The following PCGF5 variants were observed in gnomAD, a reference collection of about 807,000 sequenced individuals.
PCGF5 encodes polycomb group RING finger protein 5.
Under a neutral mutation model 44.3 loss-of-function variants are expected in PCGF5, and 9 were observed. The ratio of observed to expected loss-of-function variants is 0.20; its 90% CI spans 0.12 to 0.35. PCGF5 has a LOEUF of 0.35. PCGF5 is among the 10% of genes least tolerant of loss of function. The pLI is 1.00. For missense variants in PCGF5, 146 were observed against 305.3 expected, an observed-to-expected ratio of 0.48 and a Z score of 3.89; for synonymous variants, 95 against 102.5, an observed-to-expected ratio of 0.93 and a Z score of 0.44.
At chr10:91,181,394 T>A (rs1843816641) in intron 1 of PCGF5, among the ~76,000 whole-genome samples, 1 of 151,808 alleles carries the variant, frequency 6.6e-6, no homozygotes, top group African/African-American at 2.4e-5. Flanking sequence ...AATACTATGT[T>A]GAATAGGAGT....
chr10:91,243,833 G>GT (rs1845390555), intron 3 of PCGF5, among the ~76,000 whole-genome samples: 1 of 152,038 alleles, frequency 6.6e-6, no homozygotes, highest in Non-Finnish European at 1.5e-5. Flanking sequence ...AAAGTATAAA[G>GT]TACTGGTGTT....
intron 1 of PCGF5, among the ~76,000 whole-genome samples, chr10:91,198,664 A>G (rs1301252743): frequency 6.6e-6 from 1 of 152,228 alleles, no homozygotes; most frequent in Non-Finnish European, 1.5e-5. Flanking sequence ...GGCCCTGATT[A>G]GTGGCAGCAC....
intron 1 of PCGF5, among the ~76,000 whole-genome samples, chr10:91,202,482 A>G (rs980745190): frequency 6.6e-6 from 1 of 152,218 alleles, no homozygotes; most frequent in Non-Finnish European, 1.5e-5. Context: ...TGTTGTGAGG[A>G]TTAAATAGGA....
At chr10:91,165,482 A>T (rs559552841) in intron 1 of PCGF5, among the ~76,000 whole-genome samples, 1 of 152,276 alleles carries the variant, frequency 6.6e-6, no homozygotes, top group South Asian at 2.1e-4. Context: ...GTTCATAATA[A>T]ATACCACTTA....
chr10:91,199,038 A>G (rs1397646842), intron 1 of PCGF5, among the ~76,000 whole-genome samples: 2 of 152,028 alleles, frequency 1.3e-5, no homozygotes, highest in Non-Finnish European at 1.5e-5. Context: ...AGAAACTGAA[A>G]CTGCATCACA....
At chr10:91,173,951 C>G (rs559624771) in intron 1 of PCGF5, among the ~76,000 whole-genome samples, 1 of 151,972 alleles carries the variant, frequency 6.6e-6, no homozygotes, top group South Asian at 2.1e-4. Flanking sequence ...ACAGCTAAGA[C>G]TCCAGTATTG....
At chr10:91,203,316 G>A (rs1392080899) in intron 1 of PCGF5, among the ~76,000 whole-genome samples, 1 of 151,998 alleles carries the variant, frequency 6.6e-6, no homozygotes, top group East Asian at 1.9e-4. Context: ...CACCAGCCAA[G>A]GATCATGTAA....
At chr10:91,214,929 C>A (rs533009833) in intron 1 of PCGF5, among the ~76,000 whole-genome samples, 2 of 152,168 alleles carry the variant, frequency 1.3e-5, no homozygotes, top group Non-Finnish European at 2.9e-5. Flanking sequence ...TACAGAAAGT[C>A]TTTCCTTTTC....
chr10:91,225,196 A>T (rs1844785747), intron 2 of PCGF5, among the ~76,000 whole-genome samples: 1 of 148,114 alleles, frequency 6.8e-6, no homozygotes, highest in Non-Finnish European at 1.5e-5. Flanking sequence ...AGGGATATAT[A>T]TATTTTTATA....
chr10:91,218,453 A>G (rs1370552103), upstream of PCGF5, among the ~76,000 whole-genome samples: 1 of 151,876 alleles, frequency 6.6e-6, no homozygotes, highest in East Asian at 1.9e-4. Flanking sequence ...CTCTGCCCCC[A>G]CTGGCAGTAC....
At chr10:91,179,663 CA>C (rs2133188679) in intron 1 of PCGF5, among the ~76,000 whole-genome samples, 1 of 152,274 alleles carries the variant, frequency 6.6e-6, no homozygotes, top group South Asian at 2.1e-4. Context: ...ACCATGTCCC[CA>C]CAAAGGACAT....
intron 1 of PCGF5, among the ~76,000 whole-genome samples, chr10:91,213,354 G>A (rs767831660): frequency 5.9e-5 from 9 of 152,082 alleles, no homozygotes; most frequent in Non-Finnish European, 1.0e-4. Flanking sequence ...TTGTATATAC[G>A]TATGCATAAG....
chr10:91,239,144 G>A lies in PCGF5; in HGVS notation c.113-1340G>A, dbSNP rs963926739. Among the ~76,000 whole-genome samples, 6 of 152,052 alleles carry A rather than the reference G, an allele frequency of 3.9e-5. No individual in the cohort carries two copies. The East Asian group carries it at 7.7e-4, about 20-fold the overall frequency. On this transcript the variant is annotated intron_variant, in intron 2 of 9. Coordinates refer to ENST00000336126, the MANE Select transcript of PCGF5 (RefSeq NM_032373.5). The stretch of plus-strand genomic sequence containing the variant: ...TTTTTGGGGGGCGGAGGGGGAGGCA[G>A]GTAAAAATACCACTTATCACTAACT...
intron 1 of PCGF5, among the ~76,000 whole-genome samples, chr10:91,209,795 AGAAAAACGAAG>A: frequency 6.8e-3 from 1 of 146 alleles, no homozygotes; most frequent in Non-Finnish European, 8.9e-3. Context: ...AAAAAAAAAA[AGAAAAACGAAG>A]AAAGGAATTG....
At chr10:91,170,619 A>T (rs1843587158) in intron 1 of PCGF5, among the ~76,000 whole-genome samples, 1 of 152,238 alleles carries the variant, frequency 6.6e-6, no homozygotes, top group Non-Finnish European at 1.5e-5. Context: ...GCAAATGCTG[A>T]CAAGGAGGTG....
At chr10:91,227,802 A>G (rs2133300208) in intron 2 of PCGF5, 1 of 989,312 alleles carries the variant, frequency 1.0e-6, no homozygotes. Context: ...ACTTGGTTCA[A>G]CTGTTTGCTC....
chr10:91,184,323 T>C (rs1174212605), intron 1 of PCGF5, among the ~76,000 whole-genome samples: 1 of 152,212 alleles, frequency 6.6e-6, no homozygotes, highest in African/African-American at 2.4e-5. Flanking sequence ...CTTTAAGCTC[T>C]GAGATTCCTC....
At chr10:91,220,085 G>C (rs993066701), upstream of PCGF5, 4 of 152,022 alleles carry the variant, frequency 2.6e-5, no homozygotes, top group Non-Finnish European at 4.4e-5. Flanking sequence ...CTGGGTTTTT[G>C]TTTGTTTTGA....
chr10:91,214,412 T>C (rs1224898120), intron 1 of PCGF5, among the ~76,000 whole-genome samples: 1 of 151,650 alleles, frequency 6.6e-6, no homozygotes, highest in East Asian at 1.9e-4. Flanking sequence ...GCAGCACAAT[T>C]GTATGTTGTA....
Sources: gnomAD v4.1 joint callset for allele counts (sites outside exome capture counted in the v4.1 genomes callset) on GRCh38, gnomAD v4.1.1 for gene constraint, MANE v1.5 for transcripts, NCBI Gene and HGNC (gene_info 2026-07-23, HGNC 2026-07-21) for gene names.